VWDE: variants seen among roughly 807,000 people sequenced by gnomAD.
VWDE encodes the protein von Willebrand factor D and EGF domain-containing protein.
Under a neutral mutation model 178.4 loss-of-function variants are expected in VWDE, and 207 were observed. The observed-to-expected ratio is 1.16, with a 90% CI of 1.04 to 1.30. The LOEUF (loss-of-function observed/expected upper bound fraction) is 1.30. VWDE is among the 50% of genes most tolerant of loss of function. The probability of loss-of-function intolerance (pLI) is 0.00; values close to 1 mark genes in which losing one functional copy is unlikely to be tolerated. For missense variants in VWDE, 2,287 were observed against 1,901.3 expected (o/e 1.20, Z -3.77); for synonymous variants, 738 against 651.4 (o/e 1.13, Z -2.02).
Position 12,403,708 on chromosome 7 carries a change from G to T in VWDE, c.9C>A (p.Gly3=). MP[G]GACVLVIALM... is the part of the protein sequence containing the mutation. ...GCGCGATCACCAGCACGCAGGCTCC[G>T]CCAGGCATCGCTGCTTCCGCAGGTG... Residue 3 remains glycine (G), a synonymous_variant, in exon 1 of 29, where the codon GGC becomes GGA. Coordinates refer to ENST00000275358, the MANE Select transcript of VWDE (RefSeq NM_001135924.3). 6.5e-7 allele frequency: 1 copy of T among 1,549,756 alleles called. No individual in the cohort carries two copies. The highest frequency in any genetic ancestry group is 8.7e-7 in the Non-Finnish European group (1 of 1,146,420).
rs1783957317 is a variant in VWDE, at chr7:12,383,542, A to G, written c.535T>C (p.Cys179Arg). The stretch of plus-strand genomic sequence containing the variant: ...AGCAAAATATGATACTTACGAACAC[A>G]ATCACCTCCTGTTTCAGTTTCATCA... Reference protein sequence around the residue: ...GSDETETGGDCVRQLAASLPP... With the variant: ...GSDETETGGDRVRQLAASLPP... Residue 179 changes from cysteine to arginine, a missense_variant, in exon 4 of 29, where the codon TGT (cysteine) becomes CGT (arginine). Transcript: ENST00000275358. 2 of 1,550,168 alleles carry G rather than the reference A, an allele frequency of 1.3e-6. No homozygotes were observed. The highest frequency in any genetic ancestry group is 8.7e-7 in the Non-Finnish European group (1 of 1,145,848).
intron 27 of VWDE, 95 bp from the exon 28 acceptor site, chr7:12,333,663 C>A: frequency 2.6e-6 from 2 of 768,944 alleles, no homozygotes; most frequent in Non-Finnish European, 4.5e-6. Context: ...GGTGATTGGA[C>A]ACCAATGCAG....
intron 3 of VWDE, among the ~76,000 whole-genome samples, chr7:12,384,563 C>T (rs758006346): frequency 2.0e-5 from 3 of 151,890 alleles, no homozygotes; most frequent in Non-Finnish European, 4.4e-5. Flanking sequence ...TGGTGGGGGA[C>T]GTCGACAATG....
At chr7:12,386,407 C>T (rs1157886434) in intron 3 of VWDE, among the ~76,000 whole-genome samples, 1 of 152,076 alleles carries the variant, frequency 6.6e-6, no homozygotes, top group Non-Finnish European at 1.5e-5. Context: ...GAAGGTTTAC[C>T]AGCTCACTCC....
rs1562500729 is a variant in VWDE, at chr7:12,375,127, C to T, written c.1125G>A (p.Val375=). The change falls in exon 8 of 29, where the codon GTG becomes GTA. Residue 375 remains valine (V), a synonymous_variant. Transcript: ENST00000275358. The part of the protein sequence containing the change: ...CANGTCSHTF[V]YYTAVTDFSR... ...AAAAATCTGTGACAGCAGTGTAGTA[C>T]ACAAAAGTGTGGCTACAGGTTCCAT... 1.3e-6 allele frequency: 2 copies of T among 1,551,224 alleles called. No homozygotes were observed. The highest frequency in any genetic ancestry group is 2.4e-5 in the East Asian group (1 of 40,878).
At chr7:12,400,216 G>C (rs1784836409) in intron 1 of VWDE, among the ~76,000 whole-genome samples, 1 of 152,050 alleles carries the variant, frequency 6.6e-6, no homozygotes, top group Non-Finnish European at 1.5e-5. Flanking sequence ...AAATTTTAAA[G>C]ATTGGATATA....
chr7:12,391,946 T>A (rs1441034946), intron 2 of VWDE, among the ~76,000 whole-genome samples: 2 of 152,170 alleles, frequency 1.3e-5, no homozygotes, highest in Admixed American at 6.5e-5. Flanking sequence ...AAAAAGTGTA[T>A]AATTATATAG....
In VWDE at chr7:12,388,109, G is replaced by T. The variant is rs1006352971; in HGVS notation, c.475+1018C>A. Among the ~76,000 whole-genome samples, 6 of 151,996 alleles carry T rather than the reference G, an allele frequency of 3.9e-5. No homozygotes were observed. The South Asian group carries it at 1.2e-3, about 31-fold the overall frequency. The stretch of plus-strand genomic sequence containing the variant: ...ATTCATTATTTTCTAATCTGTGACT[G>T]TTTTTTATTCTTTCCTGGTTTTTCA... On this transcript the variant is annotated intron_variant, in intron 3 of 28. Coordinates refer to ENST00000275358, the MANE Select transcript of VWDE (RefSeq NM_001135924.3).
chr7:12,334,969 A>G (rs1430943325), intron 27 of VWDE, among the ~76,000 whole-genome samples: 2 of 152,118 alleles, frequency 1.3e-5, no homozygotes, highest in Non-Finnish European at 2.9e-5. Flanking sequence ...GTACTTTCAT[A>G]TATTTTTCTA....
chr7:12,378,976 T>C (rs10270435), intron 6 of VWDE, among the ~76,000 whole-genome samples: 13,511 of 152,164 alleles, frequency 0.089, 1,332 homozygotes, highest in African/African-American at 0.24. Context: ...ATTAATTCCC[T>C]GTCATCTCTG....
intron 13 of VWDE, among the ~76,000 whole-genome samples, chr7:12,365,951 T>A (rs894034824): frequency 6.6e-6 from 1 of 152,030 alleles, no homozygotes; most frequent in Non-Finnish European, 1.5e-5. Flanking sequence ...GGGAGGGACA[T>A]AGTGGGAGTT....
intron 17 of VWDE, among the ~76,000 whole-genome samples, 157 bp downstream of exon 17, chr7:12,357,108 A>T (rs1331990600): frequency 6.6e-6 from 1 of 152,240 alleles, no homozygotes; most frequent in Non-Finnish European, 1.5e-5. Flanking sequence ...AAATTCTTAC[A>T]AAGAATAGTC....
At chr7:12,391,849 T>C (rs1276548396) in intron 2 of VWDE, among the ~76,000 whole-genome samples, 2 of 152,194 alleles carry the variant, frequency 1.3e-5, no homozygotes, top group Non-Finnish European at 2.9e-5. Context: ...CATAATCTTA[T>C]ATGATGTGAT....
Position 12,369,842 on chromosome 7 carries a change from G to A in VWDE, c.2464C>T (p.Leu822=). 2 of 1,551,494 alleles carry A rather than the reference G, an allele frequency of 1.3e-6. No individual in the cohort carries two copies. The highest frequency in any genetic ancestry group is 1.7e-6 in the Non-Finnish European group (2 of 1,146,886). Residue 822 remains leucine (L), a synonymous_variant, in exon 12 of 29, where the codon CTG becomes TTG. Coordinates refer to ENST00000275358, the MANE Select transcript of VWDE (RefSeq NM_001135924.3). ...CTCTTGCCAAGAAAAGCAAGACACA[G>A]CCTTCCTATGCTGGAGTTGGCTAGA... ...ETLANSSIGR[L]CLAFLGKRLD...
intron 27 of VWDE, among the ~76,000 whole-genome samples, chr7:12,335,580 T>C (rs990446879): frequency 3.3e-5 from 5 of 152,064 alleles, no homozygotes; most frequent in African/African-American, 9.7e-5. Context: ...CTCAGACTCC[T>C]GAGTAGCTGG....
chr7:12,351,891 C>G (rs1012830726), intron 18 of VWDE, among the ~76,000 whole-genome samples, 178 bp from the exon 19 acceptor site: 1 of 152,090 alleles, frequency 6.6e-6, no homozygotes, highest in Non-Finnish European at 1.5e-5. Flanking sequence ...ATTGTGTTCC[C>G]CTAAAATTCA....
In VWDE at chr7:12,370,680, T is replaced by C; in HGVS notation, c.1772A>G (p.Tyr591Cys). The change falls in exon 11 of 29, where the codon TAT (tyrosine) becomes TGT (cysteine). Residue 591 changes from tyrosine (Y) to cysteine (C), a missense_variant. Transcript: ENST00000275358. ...GMQIDQNFNN[Y>C]VAFINEWRIL... is the part of the protein sequence containing the mutation. Reference sequence around the variant, plus strand: ...CCTCCATTCATTAATAAAAGCAACATAATTGTTAAAATTTTGATCAATTTG... The same window carrying C: ...CCTCCATTCATTAATAAAAGCAACACAATTGTTAAAATTTTGATCAATTTG... The C allele has an allele frequency of 6.4e-7, 1 of 1,551,112 alleles. No individual in the cohort carries two copies. Among genetic ancestry groups the C allele is most frequent in the East Asian group, 2.4e-5 (1 of 40,898 alleles).
rs751565961 is a variant in VWDE at position 12,336,187 on chromosome 7, G to A, written c.4608C>T (p.Ser1536=). Residue 1536 remains serine, a synonymous_variant, in exon 27 of 29, where the codon AGC becomes AGT. Transcript: ENST00000275358. ...CKNGGECIAP[S]ICHCPSSWEG... is the part of the protein sequence containing the mutation. The stretch of plus-strand genomic sequence containing the variant: ...CCCAGGAGGAAGGACAATGGCATAT[G>A]CTGGGCGCAATGCATTCACCACCGT... The A allele has an allele frequency of 1.3e-6, 2 of 1,551,438 alleles. 1 individual carries two copies. Among genetic ancestry groups the A allele is most frequent in the South Asian group, 2.4e-5 (2 of 84,008 alleles).
At chr7:12,364,201 G>C (rs1782735658) in intron 13 of VWDE, among the ~76,000 whole-genome samples, 1 of 151,718 alleles carries the variant, frequency 6.6e-6, no homozygotes, top group Admixed American at 6.6e-5. Context: ...TAAACCGATA[G>C]ATAGGTAGTT....
Sources: gnomAD v4.1 joint callset for allele counts (sites outside exome capture counted in the v4.1 genomes callset) on GRCh38, gnomAD v4.1.1 for gene constraint, MANE v1.5 for transcripts, NCBI Gene and HGNC (gene_info 2026-07-23, HGNC 2026-07-21) for gene names.